The following ZBTB37 variants were observed in gnomAD, a reference collection of about 807,000 sequenced individuals.
The protein encoded by ZBTB37 is zinc finger and BTB domain-containing protein 37.
A neutral mutation model predicts 37.7 loss-of-function variants in ZBTB37; 15 were observed. That is an observed-to-expected ratio of 0.40 (90% CI 0.27 to 0.61). The LOEUF (loss-of-function observed/expected upper bound fraction) is 0.61. Ranked by LOEUF, ZBTB37 falls within the 20% of genes least tolerant of loss-of-function variation. ZBTB37 has a pLI of 0.44. For missense variants in ZBTB37, 514 were observed against 641.9 expected (o/e 0.80, Z 2.15); for synonymous variants, 231 against 220.6 (o/e 1.05, Z -0.42).
rs149684613 is a variant in ZBTB37 at position 173,876,682 on chromosome 1, T to A, written c.1023+3116T>A. Among the ~76,000 whole-genome samples, 160 of 152,320 alleles carry A rather than the reference T, an allele frequency of 1.1e-3. 1 individual carries two copies. Among genetic ancestry groups the A allele is most frequent in the African/African-American group, 3.8e-3 (159 of 41,584 alleles). On this transcript the variant is annotated intron_variant, in intron 4 of 4. Coordinates refer to ENST00000427304, the Ensembl canonical transcript of ZBTB37. Reference sequence around the variant, plus strand: ...AGCCGTAAGACATTGTTACAAACTGTGTTTTTTAGTTTTGATAAGATGTTA... The same window carrying A: ...AGCCGTAAGACATTGTTACAAACTGAGTTTTTTAGTTTTGATAAGATGTTA...
At chr1:173,890,321 T>TATC (rs1024408135), downstream of ZBTB37, 7 of 152,190 alleles carry the variant, frequency 4.6e-5, no homozygotes, top group African/African-American at 1.7e-4. Flanking sequence ...CAATGGATAA[T>TATC]GGAAAGGAAA....
intron 4 of ZBTB37, among the ~76,000 whole-genome samples, chr1:173,877,434 T>C (rs1484133987): frequency 1.4e-5 from 2 of 143,244 alleles, no homozygotes; most frequent in Non-Finnish European, 3.0e-5. Context: ...CAGGCTAGAG[T>C]GCAGTGGTAT....
chr1:173,889,068 T>C (rs1348817459), downstream of ZBTB37: 1 of 152,244 alleles, frequency 6.6e-6, no homozygotes, highest in Non-Finnish European at 1.5e-5. Flanking sequence ...TTCTCTCAAT[T>C]GGCCTAGCCA....
exon 4 of ZBTB37, chr1:173,893,812 C>T (rs1474830935): frequency 6.6e-6 from 1 of 152,214 alleles, no homozygotes; most frequent in African/African-American, 2.4e-5. Flanking sequence ...ACAACTGACT[C>T]AGGCTAACAC....
At chr1:173,882,403 A>G (rs992961589) in intron 4 of ZBTB37, among the ~76,000 whole-genome samples, 17 of 151,444 alleles carry the variant, frequency 1.1e-4, no homozygotes, top group East Asian at 5.9e-4. Context: ...CACCACGCCC[A>G]GCTAATTTTT....
intron 4 of ZBTB37, among the ~76,000 whole-genome samples, chr1:173,875,474 C>T (rs1655912028): frequency 6.6e-6 from 1 of 150,964 alleles, no homozygotes; most frequent in African/African-American, 2.4e-5. Flanking sequence ...TACAGGCGCC[C>T]GCCAGCACAC....
rs996988783 is a variant in ZBTB37 at position 173,871,384 on chromosome 1, C to T, written c.923+236C>T. ...GAACTGTGGTAAAGTTAGACACTTC[C>T]GTGAATCAGAATAGCATCTGCAGCC... On this transcript the variant is annotated intron_variant, in intron 3 of 4. Transcript: ENST00000427304. Among the ~76,000 whole-genome samples the T allele has an allele frequency of 3.3e-5, 5 of 152,244 alleles. No individual in the cohort carries two copies. The East Asian group carries it at 5.8e-4, about 18-fold the overall frequency.
chr1:173,885,413 T>C (rs2102749746), intron 4 of ZBTB37, among the ~76,000 whole-genome samples: 1 of 152,314 alleles, frequency 6.6e-6, no homozygotes, highest in Middle Eastern at 3.4e-3. Flanking sequence ...AGCCAGAAAG[T>C]AACTTTACTG....
At chr1:173,869,893 C>T (rs1655416060) in intron 2 of ZBTB37, among the ~76,000 whole-genome samples, 1 of 152,086 alleles carries the variant, frequency 6.6e-6, no homozygotes, top group Non-Finnish European at 1.5e-5. Context: ...AAAGTCCTTC[C>T]CCCTACCTTC....
At chr1:173,903,477 C>G (rs1657349246) in exon 4 of ZBTB37, 1 of 182,610 alleles carries the variant, frequency 5.5e-6, no homozygotes, top group Non-Finnish European at 1.2e-5. Context: ...GCATTTTCCC[C>G]TTTATTTTAA....
chr1:173,903,366 G>A (rs1291398908), exon 4 of ZBTB37: 1 of 156,852 alleles, frequency 6.4e-6, no homozygotes, highest in African/African-American at 2.4e-5. Context: ...AAGCTTTCTC[G>A]TTGAACAGCT....
At chr1:173,876,639 T>C (rs1366317673) in intron 4 of ZBTB37, among the ~76,000 whole-genome samples, 1 of 152,198 alleles carries the variant, frequency 6.6e-6, no homozygotes, top group Non-Finnish European at 1.5e-5. Flanking sequence ...ATATTTATTG[T>C]GTGCATGGTA....
intron 3 of ZBTB37, 51 bp from the exon 4 acceptor site, chr1:173,873,416 T>G: frequency 6.6e-7 from 1 of 1,511,678 alleles, no homozygotes; most frequent in Non-Finnish European, 8.9e-7. Context: ...ATTTTTCAGG[T>G]TCTTTGATGC....
downstream of ZBTB37, chr1:173,887,274 T>G (rs1656662578): frequency 6.6e-6 from 1 of 152,228 alleles, no homozygotes; most frequent in Non-Finnish European, 1.5e-5. Context: ...TTCAGGCATA[T>G]AGAAGGACCT....
exon 3 of ZBTB37, chr1:173,870,631 G>A (rs1224166597): frequency 6.2e-7 from 1 of 1,614,180 alleles, no homozygotes; most frequent in Admixed American, 1.7e-5. Flanking sequence ...TGAGGTTGAA[G>A]CAGAATTAAG....
chr1:173,886,069 C>T (rs992752040), exon 5 of ZBTB37: 3 of 1,551,710 alleles, frequency 1.9e-6, no homozygotes, highest in Non-Finnish European at 8.7e-7. Context: ...CAGGAAGAGA[C>T]AGTTGCTCCT....
At chr1:173,899,511 G>A (rs574158568) in exon 4 of ZBTB37, 2 of 152,294 alleles carry the variant, frequency 1.3e-5, no homozygotes, top group South Asian at 4.1e-4. Context: ...CAGAAGCCAT[G>A]GAGTCTTACC....
exon 3 of ZBTB37, chr1:173,871,085 A>G: frequency 6.2e-7 from 1 of 1,614,036 alleles, no homozygotes; most frequent in Middle Eastern, 1.6e-4. Context: ...GTAGGACAGG[A>G]AAATTATACT....
exon 4 of ZBTB37, chr1:173,902,240 C>T (rs1657289352): frequency 6.6e-6 from 1 of 152,134 alleles, no homozygotes; most frequent in East Asian, 1.9e-4. Flanking sequence ...TCAACTATGC[C>T]CACCTCTTCC....
Sources: gnomAD v4.1 joint callset for allele counts (sites outside exome capture counted in the v4.1 genomes callset) on GRCh38, gnomAD v4.1.1 for gene constraint, MANE v1.5 for transcripts, NCBI Gene and HGNC (gene_info 2026-07-23, HGNC 2026-07-21) for gene names.